MPHOSPH10: variants seen among roughly 807,000 people sequenced by gnomAD.
MPHOSPH10 encodes the protein U3 small nucleolar ribonucleoprotein MPP10.
MPHOSPH10 carries 33 observed loss-of-function variants against 77.3 expected under a neutral mutation model. The observed-to-expected ratio is 0.43, with a 90% CI of 0.32 to 0.57. MPHOSPH10 has a LOEUF of 0.57. MPHOSPH10 is among the 20% of genes least tolerant of loss of function. The pLI, the probability that MPHOSPH10 is intolerant of heterozygous loss-of-function variation, is 0.07. For missense variants in MPHOSPH10, 708 were observed against 780.1 expected (o/e 0.91, Z 1.10); for synonymous variants, 245 against 268.0 (o/e 0.91, Z 0.84).
intron 4 of MPHOSPH10, 150 bp from the exon 5 acceptor site, chr2:71,138,340 G>A (rs1443082854): frequency 4.8e-6 from 3 of 622,164 alleles, no homozygotes; most frequent in South Asian, 2.8e-5. Context: ...GCAGAAATAG[G>A]AAGTCATCGA....
At position 71,130,634 on chromosome 2, in the gene MPHOSPH10, A is replaced by T. The variant is rs10189836; in HGVS notation, c.-32A>T. 2 of 1,587,884 alleles carry T rather than the reference A, an allele frequency of 1.3e-6. No individual in the cohort carries two copies. Among genetic ancestry groups the T allele is most frequent in the East Asian group, 2.3e-5 (1 of 44,258 alleles). On this transcript the variant is annotated 5_prime_UTR_variant, in exon 1 of 11. An upstream start codon of the reference 5' UTR is lost. Coordinates refer to ENST00000244230, the MANE Select transcript of MPHOSPH10 (RefSeq NM_005791.3). ...TTTCCGGGCGGCTCCCTTCCCTTGCATGCTGCATTGTGTCGGGAGTTGCTG... is the reference window on the plus strand; with the variant it reads ...TTTCCGGGCGGCTCCCTTCCCTTGCTTGCTGCATTGTGTCGGGAGTTGCTG...
Position 71,141,022 on chromosome 2 carries a change from A to G in MPHOSPH10, c.1309-210A>G, listed in dbSNP as rs145595460. 5.9e-3 allele frequency among the ~76,000 whole-genome samples: 902 copies of G among 151,640 alleles called. 6 individuals carry two copies. The highest frequency in any genetic ancestry group is 0.019 in the African/African-American group (800 of 41,416). The stretch of plus-strand genomic sequence containing the variant: ...TGAATAGTTATTTCAGGAGTTGAAA[A>G]TTTTCTTTTTGCTATAATTTGCTTA... On this transcript the variant is annotated intron_variant, in intron 6 of 10. Transcript: ENST00000244230.
At chr2:71,147,735 T>C (rs1468716709) in intron 8 of MPHOSPH10, among the ~76,000 whole-genome samples, 1 of 151,808 alleles carries the variant, frequency 6.6e-6, no homozygotes, top group African/African-American at 2.4e-5. Flanking sequence ...CAGAAAACCC[T>C]AAAATACCCA....
intron 4 of MPHOSPH10, among the ~76,000 whole-genome samples, chr2:71,137,591 G>A (rs1196024891): frequency 1.5e-4 from 22 of 151,078 alleles, no homozygotes; most frequent in South Asian, 6.3e-4. Context: ...CCTAGGAGGT[G>A]GAGGTTGCAG....
At chr2:71,139,246 C>T (rs542696351) in intron 5 of MPHOSPH10, 19 of 160,472 alleles carry the variant, frequency 1.2e-4, no homozygotes, top group Middle Eastern at 3.3e-3. Flanking sequence ...TTGCAGATAT[C>T]GTCTAAGAAC....
chr2:71,133,769 A>T (rs1333771568), intron 2 of MPHOSPH10, among the ~76,000 whole-genome samples, 179 bp from the exon 3 acceptor site: 1 of 152,156 alleles, frequency 6.6e-6, no homozygotes, highest in African/African-American at 2.4e-5. Flanking sequence ...TGGTAGTGTT[A>T]TTAGTTGCCA....
intron 4 of MPHOSPH10, among the ~76,000 whole-genome samples, chr2:71,136,913 AACAC>A (rs56768441): frequency 0.096 from 11,452 of 118,906 alleles, 601 homozygotes; most frequent in East Asian, 0.2. Flanking sequence ...GTAGCATTAA[AACAC>A]ACACACACAC....
intron 1 of MPHOSPH10, 108 bp from the exon 2 acceptor site, chr2:71,132,790 T>G (rs1304693204): frequency 4.4e-6 from 6 of 1,373,306 alleles, no homozygotes; most frequent in Non-Finnish European, 5.9e-6. Context: ...ATACTTATAC[T>G]TCATTCAAAT....
chr2:71,144,484 T>G lies in MPHOSPH10; in HGVS notation c.1503T>G (p.Asp501Glu). Residue 501 changes from aspartate (D) to glutamate (E), a missense_variant, in exon 8 of 11, where the codon GAT becomes GAG. This residue lies in a region of MPHOSPH10 where 263 missense variants were observed against 320.0 expected (regional missense o/e 0.82). Transcript: ENST00000244230. ...ATGTAGAAATTCAGAAGATGATGGA[T>G]TCCCTCTTCTTAAAATTGGATGCCC... ...PEHVEIQKMM[D>E]SLFLKLDALS... The G allele has an allele frequency of 6.2e-7, 1 of 1,614,182 alleles. No individual in the cohort carries two copies. Among genetic ancestry groups the G allele is most frequent in the Non-Finnish European group, 8.5e-7 (1 of 1,180,016 alleles).
Position 71,150,065 on chromosome 2 carries a change from A to C in MPHOSPH10, c.*50A>C. On this transcript the variant is annotated 3_prime_UTR_variant, in exon 11 of 11. Transcript: ENST00000244230. The stretch of plus-strand genomic sequence containing the variant: ...TTAATGTGTAAGCTTATATTGTGTC[A>C]TTGTTCTGTTTTATAATAAAATTCT... The C allele has an allele frequency of 1.0e-6, 1 of 993,662 alleles. No homozygotes were observed. Among genetic ancestry groups the C allele is most frequent in the Non-Finnish European group, 1.4e-6 (1 of 720,618 alleles). The allele number at this position is 993,662 out of a possible 1,614,324, so 61.6% of individuals were successfully genotyped here. A position where few individuals can be genotyped will look rare whatever the true frequency, so the allele number is the denominator to read the frequency against.
chr2:71,131,389 G>A (rs894832099), intron 1 of MPHOSPH10, among the ~76,000 whole-genome samples: 3 of 152,294 alleles, frequency 2.0e-5, no homozygotes, highest in African/African-American at 4.8e-5. Context: ...GTACTGTCAA[G>A]CATCTCAAAT....
Position 71,138,563 on chromosome 2 carries a change from C to T in MPHOSPH10, c.1172C>T (p.Thr391Ile). The stretch of plus-strand genomic sequence containing the variant: ...CCGTGGCAGCTTCAGGGGGAAGTGA[C>T]AGCACAGAAGAGGCCAGAGAACAGC... ...KKPWQLQGEV[T>I]AQKRPENSLL... Residue 391 changes from threonine (T) to isoleucine (I), a missense_variant, in exon 5 of 11, where the codon ACA becomes ATA. This residue lies in a region of MPHOSPH10 where 12 missense variants were observed against 27.6 expected (regional missense o/e 0.44). Transcript: ENST00000244230. The T allele has an allele frequency of 1.2e-6, 2 of 1,613,736 alleles. No individual in the cohort carries two copies. Among genetic ancestry groups the T allele is most frequent in the African/African-American group, 2.7e-5 (2 of 75,032 alleles).
intron 2 of MPHOSPH10, 82 bp from the exon 3 acceptor site, chr2:71,133,866 C>T (rs1358482295): frequency 2.0e-6 from 2 of 1,002,016 alleles, no homozygotes; most frequent in Non-Finnish European, 2.8e-6. Context: ...TATATACATA[C>T]AATATACATG....
chr2:71,135,160 G>T (rs1320318238), intron 4 of MPHOSPH10, among the ~76,000 whole-genome samples: 1 of 151,098 alleles, frequency 6.6e-6, no homozygotes, highest in Non-Finnish European at 1.5e-5. Context: ...GCAAGACCTT[G>T]TCTTAAAACA....
intron 5 of MPHOSPH10, chr2:71,138,877 A>C (rs141144193): frequency 2.4e-5 from 15 of 612,270 alleles, no homozygotes; most frequent in Non-Finnish European, 4.0e-5. Flanking sequence ...TCTACTAAAA[A>C]TACAAAAATC....
chr2:71,149,493 G>A, intron 10 of MPHOSPH10, 40 bp downstream of exon 10: 1 of 1,552,494 alleles, frequency 6.4e-7, no homozygotes, highest in South Asian at 1.2e-5. Context: ...GGGGACCTTT[G>A]TGGGGGAAGT....
Position 71,143,128 on chromosome 2 carries a change from A to C in MPHOSPH10, c.1447-1300A>C, listed in dbSNP as rs1299087392. Among the ~76,000 whole-genome samples, 4 of 150,808 alleles carry C rather than the reference A, an allele frequency of 2.7e-5. No individual in the cohort carries two copies. The East Asian group carries it at 7.7e-4, about 29-fold the overall frequency. ...ATAATTTTATGAAGTCTATATTAAC[A>C]CTTTACTTCTTTTTTTTCTTTTTTT... On this transcript the variant is annotated intron_variant, in intron 7 of 10. Transcript: ENST00000244230.
intron 5 of MPHOSPH10, 168 bp downstream of exon 5, chr2:71,138,799 C>G (rs1337821638): frequency 2.2e-6 from 2 of 914,040 alleles, no homozygotes; most frequent in Admixed American, 4.0e-5. Context: ...CTTTGGGAGG[C>G]CGAGGCAGAC....
At chr2:71,130,817 C>A in intron 1 of MPHOSPH10, 63 bp downstream of exon 1, 1 of 1,482,006 alleles carries the variant, frequency 6.7e-7, no homozygotes, top group South Asian at 1.2e-5. Context: ...GGGTTGCAGG[C>A]CTCCGGCAAA....
Sources: gnomAD v4.1 joint callset for allele counts (sites outside exome capture counted in the v4.1 genomes callset) on GRCh38, gnomAD v4.1.1 for gene constraint, gnomAD v4.1.1 regional missense constraint, MANE v1.5 for transcripts, NCBI Gene and HGNC (gene_info 2026-07-23, HGNC 2026-07-21) for gene names.